Variants in FRY observed in about 807,000 individuals in gnomAD.
FRY encodes FRY microtubule binding protein.
FRY carries 128 observed loss-of-function variants against 348.4 expected under a neutral mutation model. That is an observed-to-expected ratio of 0.37 (90% CI 0.32 to 0.43). The LOEUF (loss-of-function observed/expected upper bound fraction) is 0.43, where lower values mean the gene tolerates loss of function less well. Among genes scored for constraint, FRY ranks in the 20% least tolerant of loss-of-function variants. The pLI, the probability that FRY is intolerant of heterozygous loss-of-function variation, is 1.00. For missense variants in FRY, 2,736 were observed against 3,695.2 expected (o/e 0.74, Z 6.73); for synonymous variants, 1,370 against 1,374.7 (o/e 1.00, Z 0.08).
chr13:32,161,082 T>TA (rs1881418988), intron 16 of FRY, 62 bp from the exon 17 acceptor site: 1 of 1,065,730 alleles, frequency 9.4e-7, no homozygotes. Flanking sequence ...TGCACTTAAT[T>TA]CATTTTGTTT....
intron 18 of FRY, among the ~76,000 whole-genome samples, chr13:32,171,610 C>A (rs182296333): frequency 6.6e-6 from 1 of 152,220 alleles, no homozygotes; most frequent in East Asian, 1.9e-4. Context: ...CCATGCCCGG[C>A]TGAATTTATA....
chr13:32,196,360 A>G, intron 29 of FRY, among the ~76,000 whole-genome samples: 1 of 152,222 alleles, frequency 6.6e-6, no homozygotes, highest in South Asian at 2.1e-4. Flanking sequence ...ATTTATTAAG[A>G]AACCACTCAT....
chr13:32,254,192 C>T (rs200266790), intron 50 of FRY, 32 bp from the exon 51 acceptor site: 24 of 1,610,788 alleles, frequency 1.5e-5, no homozygotes, highest in African/African-American at 9.3e-5. Context: ...AAAGGGAGAA[C>T]GGTTTCTCAG....
Position 32,262,596 on chromosome 13 carries a change from T to G in FRY, c.7779+121T>G, listed in dbSNP as rs1420000456. ...AGAAAGACTATCTTTATCTTTTTCT[T>G]TCTCTCTTTTTTAAAATAATAGAAG... On this transcript the variant is annotated intron_variant, in intron 53 of 60. Transcript: ENST00000542859. The G allele has an allele frequency of 3.9e-6, 3 of 770,942 alleles. No homozygotes were observed. In the Admixed American group the frequency reaches 6.8e-5, roughly 18 times the overall value. The allele number at this position is 770,942 out of a possible 1,614,324, so 47.8% of individuals were successfully genotyped here. A position where few individuals can be genotyped will look rare whatever the true frequency, so the allele number is the denominator to read the frequency against.
In FRY at chr13:32,247,311, T is replaced by G. The variant is rs751079067; in HGVS notation, c.6829-12T>G. 6 of 1,605,952 alleles carry G rather than the reference T, an allele frequency of 3.7e-6. No homozygotes were observed. In the East Asian group the frequency reaches 1.3e-4, roughly 36 times the overall value. Reference sequence around the variant, plus strand: ...AATTATTTTTAACCCTTGAATGTTTTATTTCCTGCAGAGTGTTCACTGGAG... The same window carrying G: ...AATTATTTTTAACCCTTGAATGTTTGATTTCCTGCAGAGTGTTCACTGGAG... On this transcript the variant is annotated splice_polypyrimidine_tract_variant and intron_variant, in intron 47 of 60. Transcript: ENST00000542859.
chr13:32,128,880 A>G (rs906437328), intron 7 of FRY, among the ~76,000 whole-genome samples: 1 of 152,254 alleles, frequency 6.6e-6, no homozygotes, highest in Admixed American at 6.5e-5. Flanking sequence ...CGGATTCAGT[A>G]GGTGTATTAT....
At chr13:32,193,390 T>A (rs1212180543) in intron 28 of FRY, among the ~76,000 whole-genome samples, 1 of 151,858 alleles carries the variant, frequency 6.6e-6, no homozygotes, top group Non-Finnish European at 1.5e-5. Context: ...GCCACTATAA[T>A]TATCACTATT....
chr13:32,134,884 A>T lies in FRY; in HGVS notation c.886-20A>T. On this transcript the variant is annotated intron_variant, in intron 8 of 60. Coordinates refer to ENST00000542859, the MANE Select transcript of FRY (RefSeq NM_023037.3). ...ATTTCAACCTACTCTCCCTCCCTAT[A>T]CTCTTTTTCTGCTTCCCAGGAATGT... 6.8e-7 allele frequency: 1 copy of T among 1,476,846 alleles called. No individual in the cohort carries two copies. Among genetic ancestry groups the T allele is most frequent in the Non-Finnish European group, 9.5e-7 (1 of 1,054,936 alleles). 91.5% of individuals were successfully genotyped at this position (1,476,846 alleles called of 1,614,324 possible). A position where few individuals can be genotyped will look rare whatever the true frequency, so the allele number is the denominator to read the frequency against.
Position 32,131,826 on chromosome 13 carries a change from C to A in FRY, c.871C>A (p.Leu291Ile). 6.2e-7 allele frequency: 1 copy of A among 1,613,414 alleles called. No individual in the cohort carries two copies. Among genetic ancestry groups the A allele is most frequent in the South Asian group, 1.1e-5 (1 of 91,048 alleles). ...MYPVEDFEAS[L>I]QFMQECAHYF... ...TCCAGTGGAGGATTTTGAGGCCTCT[C>A]TTCAGTTTATGCAGGTAATGTCTTA... Residue 291 changes from leucine (L) to isoleucine (I), a missense_variant, in exon 8 of 61, where the codon CTT becomes ATT. By Grantham distance (5) the Leu-to-Ile change is conservative. This residue lies in a region of FRY where 309 missense variants were observed against 418.1 expected (regional missense o/e 0.74). Transcript: ENST00000542859.
intron 3 of FRY, among the ~76,000 whole-genome samples, chr13:32,103,889 G>A (rs1210203875): frequency 1.3e-5 from 2 of 151,938 alleles, no homozygotes; most frequent in Non-Finnish European, 2.9e-5. Context: ...ATCACTTGAG[G>A]AGGTGGAGGT....
intron 2 of FRY, among the ~76,000 whole-genome samples, chr13:32,100,815 T>C (rs1320136122): frequency 6.6e-6 from 1 of 152,178 alleles, no homozygotes; most frequent in Non-Finnish European, 1.5e-5. Context: ...CCCCTTTCTT[T>C]ATAGATGGTG....
At chr13:32,097,285 C>T (rs985873896) in intron 2 of FRY, among the ~76,000 whole-genome samples, 5 of 151,916 alleles carry the variant, frequency 3.3e-5, no homozygotes, top group Non-Finnish European at 5.9e-5. Context: ...TTAAGGTCTC[C>T]CATATAGATG....
intron 1 of FRY, among the ~76,000 whole-genome samples, chr13:32,033,654 A>G (rs1167959516): frequency 2.6e-5 from 4 of 152,348 alleles, no homozygotes; most frequent in African/African-American, 9.6e-5. Flanking sequence ...TCATTCAGCA[A>G]ATATTTATTG....
At chr13:32,103,250 G>A (rs1303323019) in intron 3 of FRY, among the ~76,000 whole-genome samples, 1 of 152,172 alleles carries the variant, frequency 6.6e-6, no homozygotes, top group East Asian at 1.9e-4. Context: ...ATCTTCTTTT[G>A]TCACATTGTC....
chr13:32,155,398 C>A (rs1203963093), intron 14 of FRY, 93 bp from the exon 15 acceptor site: 1 of 886,350 alleles, frequency 1.1e-6, no homozygotes, highest in East Asian at 2.4e-5. Flanking sequence ...CATCTACATG[C>A]AATTCAGTCT....
intron 58 of FRY, among the ~76,000 whole-genome samples, chr13:32,281,209 T>A (rs944256032): frequency 5.3e-5 from 8 of 152,202 alleles, no homozygotes; most frequent in Admixed American, 5.2e-4. Flanking sequence ...AAGAAGAAAC[T>A]AATGTTTTCA....
rs1886293057 is a variant in FRY, at chr13:32,237,748, C to T, written c.6180C>T (p.Tyr2060=). ...ALMESDFEFE[Y]LMALRLLSRL... is the part of the protein sequence containing the mutation. ...TGGAGTCTGATTTTGAGTTTGAATA[C>T]TTAATGGCCTTAAGGCTGTTGAGCA... Residue 2060 remains tyrosine, a synonymous_variant, in exon 44 of 61, where the codon TAC becomes TAT. Coordinates refer to ENST00000542859, the MANE Select transcript of FRY (RefSeq NM_023037.3). The surrounding 1 kb of genome is among the most constrained non-coding windows in gnomAD (Gnocchi z 6.3). 3.1e-6 allele frequency: 5 copies of T among 1,614,132 alleles called. No individual in the cohort carries two copies. The highest frequency in any genetic ancestry group is 4.2e-6 in the Non-Finnish European group (5 of 1,180,024).
rs1044356683 is a variant in FRY, at chr13:32,240,042, G to A, written c.6687+161G>A. Among the ~76,000 whole-genome samples the A allele has an allele frequency of 1.3e-4, 20 of 152,090 alleles. No individual in the cohort carries two copies. The South Asian group carries it at 2.5e-3, about 19-fold the overall frequency. On this transcript the variant is annotated intron_variant, in intron 46 of 60. Transcript: ENST00000542859. ...TGCCAGAGGTAAGCTTTGAAATGAA[G>A]GATAAAATCTATTATAGCTTCCAAG...
intron 35 of FRY, among the ~76,000 whole-genome samples, chr13:32,212,691 T>G (rs1469175167): frequency 6.6e-6 from 1 of 152,196 alleles, no homozygotes; most frequent in Non-Finnish European, 1.5e-5. Context: ...CCATCTGGAA[T>G]TAGAATTGCC....
Sources: gnomAD v4.1 joint callset for allele counts (sites outside exome capture counted in the v4.1 genomes callset) on GRCh38, gnomAD v4.1.1 for gene constraint, gnomAD v4.1.1 regional missense constraint, Gnocchi (gnomAD v3.1) non-coding constraint, MANE v1.5 for transcripts, NCBI Gene and HGNC (gene_info 2026-07-23, HGNC 2026-07-21) for gene names.